Variants in SLC43A2 observed in about 807,000 individuals in gnomAD.
The protein encoded by SLC43A2 is large neutral amino acids transporter small subunit 4.
SLC43A2 carries 38 observed loss-of-function variants against 63.2 expected under a neutral mutation model. That is an observed-to-expected ratio of 0.60 (90% confidence interval 0.46 to 0.79). SLC43A2 has a LOEUF of 0.79. Ranked by LOEUF, SLC43A2 falls within the 30% of genes least tolerant of loss-of-function variation. SLC43A2 has a pLI of 0.00. For synonymous variants in SLC43A2, 322 were observed against 331.0 expected (o/e 0.97, Z 0.30); for missense variants, 644 against 756.2 (o/e 0.85, Z 1.74).
At position 1,590,945 on chromosome 17, in the gene SLC43A2, G is replaced by A. The variant is rs139418031; in HGVS notation, c.935C>T (p.Ala312Val). ...GAACACGCTGTGCATGAAGGAGGGGGCCACTGCAGGGAGAGGGTGCGGGGC... is the reference window on the plus strand; with the variant it reads ...GAACACGCTGTGCATGAAGGAGGGGACCACTGCAGGGAGAGGGTGCGGGGC... ...EVKCQPDAAV[A>V]PSFMHSVFSP... Residue 312 changes from alanine to valine, a missense_variant, in exon 9 of 14, where the codon GCC becomes GTC. By Grantham distance (64) the Ala-to-Val change is moderately conservative. Coordinates refer to ENST00000301335, the MANE Select transcript of SLC43A2 (RefSeq NM_152346.3). 309 of 1,550,042 alleles carry A rather than the reference G, an allele frequency of 2.0e-4. No homozygotes were observed. In the African/African-American group the frequency reaches 3.2e-3, roughly 16 times the overall value.
upstream of SLC43A2, among the ~76,000 whole-genome samples, chr17:1,629,628 C>T (rs1376156454): frequency 6.6e-6 from 1 of 152,254 alleles, no homozygotes; most frequent in Non-Finnish European, 1.5e-5. Context: ...TGTTCACGCA[C>T]TGCTCGGTCC....
chr17:1,586,927 A>AGGGCGCCCCCCC, intron 9 of SLC43A2: 1 of 1,355,942 alleles, frequency 7.4e-7, no homozygotes, highest in Non-Finnish European at 1.0e-6. Context: ...TTCCCTGACA[A>AGGGCGCCCCCCC]TCCCCCCCAC....
In SLC43A2 at chr17:1,616,714, C is replaced by A; in HGVS notation, c.216G>T (p.Val72=). The stretch of plus-strand genomic sequence containing the variant: ...AGCTGAGCCAGCCGTTCATCCAGCT[C>A]ACCTCCTCGTGCCCCGGCTCTGCTG... ...GGTAEPGHEE[V]SWMNGWLSCQ... The change falls in exon 3 of 14, where the codon GTG becomes GTT. Residue 72 remains valine, a synonymous_variant. Transcript: ENST00000301335. 6.2e-7 allele frequency: 1 copy of A among 1,614,152 alleles called. No individual in the cohort carries two copies. The highest frequency in any genetic ancestry group is 8.5e-7 in the Non-Finnish European group (1 of 1,180,042).
chr17:1,600,245 G>A (rs1905845864), intron 5 of SLC43A2, among the ~76,000 whole-genome samples: 1 of 141,032 alleles, frequency 7.1e-6, no homozygotes, highest in South Asian at 2.3e-4. Flanking sequence ...CCACCTCCCG[G>A]GTCCAAGCAA....
chr17:1,600,963 G>A (rs966784359), intron 5 of SLC43A2, among the ~76,000 whole-genome samples: 3 of 151,620 alleles, frequency 2.0e-5, no homozygotes, highest in Admixed American at 6.6e-5. Flanking sequence ...TAGAGATACC[G>A]AAAGAAAAGA....
intron 5 of SLC43A2, among the ~76,000 whole-genome samples, chr17:1,612,047 C>T (rs1007451508): frequency 6.6e-6 from 1 of 152,144 alleles, no homozygotes; most frequent in African/African-American, 2.4e-5. Flanking sequence ...TCACGGCAAC[C>T]TCCGCCTCCC....
chr17:1,579,007 G>A (rs1467890341), intron 11 of SLC43A2, among the ~76,000 whole-genome samples: 1 of 151,968 alleles, frequency 6.6e-6, no homozygotes, highest in African/African-American at 2.4e-5. Context: ...TGGGCGTGGT[G>A]GTGGGCACCT....
upstream of SLC43A2, among the ~76,000 whole-genome samples, chr17:1,629,228 GCCGCC>G (rs1908973951): frequency 6.6e-6 from 1 of 151,338 alleles, no homozygotes; most frequent in South Asian, 2.1e-4. Context: ...CTCTCCCGCG[GCCGCC>G]CCGCCGTCCC....
chr17:1,590,101 T>C (rs1361532988), intron 9 of SLC43A2, among the ~76,000 whole-genome samples: 1 of 152,170 alleles, frequency 6.6e-6, no homozygotes, highest in Non-Finnish European at 1.5e-5. Flanking sequence ...CCAGGGAGGC[T>C]GCCAATAAAA....
At chr17:1,612,840 C>T (rs1409723563) in intron 5 of SLC43A2, among the ~76,000 whole-genome samples, 7 of 152,176 alleles carry the variant, frequency 4.6e-5, no homozygotes, top group East Asian at 1.9e-4. Flanking sequence ...GGTGTGGTGG[C>T]GCACGCCCAT....
In SLC43A2 at chr17:1,578,328, G is replaced by C. The variant is rs1266327757; in HGVS notation, c.1351-5C>G. 2 of 1,613,532 alleles carry C rather than the reference G, an allele frequency of 1.2e-6. No homozygotes were observed. The highest frequency in any genetic ancestry group is 2.7e-5 in the African/African-American group (2 of 74,894). On this transcript the variant is annotated splice_polypyrimidine_tract_variant and splice_region_variant and intron_variant, in intron 11 of 13. Coordinates refer to ENST00000301335, the MANE Select transcript of SLC43A2 (RefSeq NM_152346.3). This position sits in a 1 kb window ranked among gnomAD's most constrained non-coding sequence, Gnocchi z 6.5. ...GTGCAGGATGAAGGAGAGGATCTGG[G>C]GGAGGAAAAGGCGACTGTGGGCATA...
intron 9 of SLC43A2, chr17:1,586,914 G>T: frequency 6.5e-7 from 1 of 1,529,720 alleles, no homozygotes; most frequent in Non-Finnish European, 8.7e-7. Context: ...GGACATCACA[G>T]CATTCCCTGA....
chr17:1,598,837 G>A (rs983115368), intron 5 of SLC43A2, among the ~76,000 whole-genome samples: 3 of 152,176 alleles, frequency 2.0e-5, no homozygotes, highest in Non-Finnish European at 4.4e-5. Context: ...TTGCCCTCAG[G>A]CCTGGACAGG....
Position 1,605,834 on chromosome 17 carries a change from G to T in SLC43A2, c.501+7361C>A, listed in dbSNP as rs1297174669. On this transcript the variant is annotated intron_variant, in intron 5 of 13. Transcript: ENST00000301335. This position sits in a 1 kb window ranked among gnomAD's most constrained non-coding sequence, Gnocchi z 4.9. ...TGCTGCCCGGGACAAGGTCCTTGTG[G>T]TCACCTTTCTGCTTCAGTGCTGAAG... 6.6e-6 allele frequency among the ~76,000 whole-genome samples: 1 copy of T among 152,146 alleles called. No homozygotes were observed. Among genetic ancestry groups the T allele is most frequent in the Non-Finnish European group, 1.5e-5 (1 of 68,004 alleles).
chr17:1,620,351 G>A (rs1908042667), intron 2 of SLC43A2, among the ~76,000 whole-genome samples: 1 of 152,180 alleles, frequency 6.6e-6, no homozygotes, highest in South Asian at 2.1e-4. Context: ...CTGGGCCACA[G>A]AGTGAGACTC....
chr17:1,607,343 G>T (rs573720724), intron 5 of SLC43A2, among the ~76,000 whole-genome samples: 161 of 152,298 alleles, frequency 1.1e-3, no homozygotes, highest in Middle Eastern at 6.8e-3. Context: ...TCTGCTTTCT[G>T]AAGTCCTGGG....
intron 11 of SLC43A2, among the ~76,000 whole-genome samples, chr17:1,579,792 C>T (rs2075984600): frequency 1.3e-5 from 2 of 152,072 alleles, no homozygotes; most frequent in South Asian, 4.2e-4. Context: ...AGCCAAGATC[C>T]CACCACTGCA....
Position 1,580,773 on chromosome 17 carries a change from C to T in SLC43A2, c.1350+2431G>A, listed in dbSNP as rs533732621. Among the ~76,000 whole-genome samples, 19 of 150,750 alleles carry T rather than the reference C, an allele frequency of 1.3e-4. No homozygotes were observed. The South Asian group carries it at 2.1e-3, about 17-fold the overall frequency. On this transcript the variant is annotated intron_variant, in intron 11 of 13. Transcript: ENST00000301335. ...GAGACAAGGTCTCACTCCGGTTGCC[C>T]AGGCTGGAGTGCACTGGTGCAATCT... is the stretch of plus-strand genomic sequence containing the variant.
intron 9 of SLC43A2, chr17:1,586,926 AATCC>A: frequency 8.2e-7 from 1 of 1,214,412 alleles, no homozygotes; most frequent in Non-Finnish European, 1.2e-6. Flanking sequence ...ATTCCCTGAC[AATCC>A]CCCCCACCCC....
Sources: gnomAD v4.1 joint callset for allele counts (sites outside exome capture counted in the v4.1 genomes callset) on GRCh38, gnomAD v4.1.1 for gene constraint, Gnocchi (gnomAD v3.1) non-coding constraint, MANE v1.5 for transcripts, NCBI Gene and HGNC (gene_info 2026-07-23, HGNC 2026-07-21) for gene names.